The following ST6GALNAC3 variants were observed in gnomAD, a reference collection of about 807,000 sequenced individuals.
ST6GALNAC3 encodes alpha-N-acetylgalactosaminide alpha-2,6-sialyltransferase 3.
ST6GALNAC3 carries 25 observed loss-of-function variants against 32.7 expected under a neutral mutation model. The observed-to-expected ratio is 0.76, with a 90% CI of 0.56 to 1.07. The LOEUF is 1.07. Among genes scored for constraint, ST6GALNAC3 ranks in the 50% least tolerant of loss-of-function variants. The probability of loss-of-function intolerance (pLI) is 0.00; values close to 1 mark genes in which losing one functional copy is unlikely to be tolerated. For missense variants in ST6GALNAC3, 355 were observed against 382.4 expected (o/e 0.93, Z 0.60); for synonymous variants, 129 against 133.1 (o/e 0.97, Z 0.21).
In ST6GALNAC3 at chr1:76,082,631, G is replaced by A. The variant is rs1317257170; in HGVS notation, c.18+7747G>A. Among the ~76,000 whole-genome samples the A allele has an allele frequency of 3.9e-5, 6 of 152,140 alleles. No individual in the cohort carries two copies. The South Asian group carries it at 1.0e-3, about 26-fold the overall frequency. On this transcript the variant is annotated intron_variant, in intron 1 of 4. Coordinates refer to ENST00000328299, the MANE Select transcript of ST6GALNAC3 (RefSeq NM_152996.4). ...CTGTAAACTGATTTAAAGTCACTAA[G>A]TCAGAGACCTTGGCCTGGGATATTA...
intron 3 of ST6GALNAC3, among the ~76,000 whole-genome samples, chr1:76,520,875 T>C (rs1662486735): frequency 6.6e-6 from 1 of 152,188 alleles, no homozygotes; most frequent in Admixed American, 6.5e-5. Context: ...AAAAATTAGC[T>C]TGAAAATATT....
At chr1:76,217,790 AC>A (rs1441504333) in intron 1 of ST6GALNAC3, among the ~76,000 whole-genome samples, 2 of 152,196 alleles carry the variant, frequency 1.3e-5, no homozygotes, top group Non-Finnish European at 2.9e-5. Flanking sequence ...TTCCTGAATT[AC>A]TTCACTTAGA....
chr1:76,229,465 A>G (rs963006449), intron 1 of ST6GALNAC3, among the ~76,000 whole-genome samples: 5 of 152,182 alleles, frequency 3.3e-5, no homozygotes, highest in Non-Finnish European at 5.9e-5. Context: ...TTTTCAGGAT[A>G]AAGCTTTCCC....
intron 3 of ST6GALNAC3, among the ~76,000 whole-genome samples, chr1:76,439,986 C>T (rs773339711): frequency 1.3e-5 from 2 of 152,114 alleles, no homozygotes; most frequent in African/African-American, 2.4e-5. Flanking sequence ...TTGTTATAAA[C>T]GTGTTTACGT....
chr1:76,118,967 C>T (rs1281949282), intron 1 of ST6GALNAC3, among the ~76,000 whole-genome samples: 14 of 152,100 alleles, frequency 9.2e-5, no homozygotes, highest in Admixed American at 5.2e-4. Context: ...GGATTACAGG[C>T]GTGCGCCACC....
chr1:76,239,453 G>T (rs1351936264), intron 1 of ST6GALNAC3, among the ~76,000 whole-genome samples: 1 of 152,096 alleles, frequency 6.6e-6, no homozygotes, highest in African/African-American at 2.4e-5. Flanking sequence ...AGGAAACAAT[G>T]GTGCCAGTGT....
intron 3 of ST6GALNAC3, among the ~76,000 whole-genome samples, chr1:76,458,165 C>G (rs1340487754): frequency 5.8e-5 from 8 of 138,486 alleles, no homozygotes; most frequent in African/African-American, 1.9e-4. Context: ...CAGAGAAATG[C>G]AAATCAAAAC....
chr1:76,336,408 G>C (rs536386652), intron 2 of ST6GALNAC3, among the ~76,000 whole-genome samples: 1 of 152,132 alleles, frequency 6.6e-6, no homozygotes, highest in Non-Finnish European at 1.5e-5. Flanking sequence ...ATGGTATAGA[G>C]GTCTCTAATT....
intron 1 of ST6GALNAC3, among the ~76,000 whole-genome samples, chr1:76,250,212 A>G (rs545016160): frequency 3.6e-4 from 55 of 152,334 alleles, no homozygotes; most frequent in Admixed American, 3.3e-3. Flanking sequence ...TTAAAAACAC[A>G]TATACATAAA....
intron 1 of ST6GALNAC3, among the ~76,000 whole-genome samples, chr1:76,232,119 A>T (rs990168865): frequency 3.9e-5 from 6 of 152,216 alleles, no homozygotes; most frequent in Non-Finnish European, 8.8e-5. Context: ...ACTCTGCGGC[A>T]CACTGTACCA....
At chr1:76,274,175 T>C (rs1356569974) in intron 1 of ST6GALNAC3, among the ~76,000 whole-genome samples, 4 of 152,346 alleles carry the variant, frequency 2.6e-5, no homozygotes, top group Non-Finnish European at 5.9e-5. Context: ...GGATCAATTA[T>C]GCATATGTGC....
At position 76,255,783 on chromosome 1, in the gene ST6GALNAC3, G is replaced by A. The variant is rs555455100; in HGVS notation, c.19-58022G>A. 2.0e-5 allele frequency among the ~76,000 whole-genome samples: 3 copies of A among 152,048 alleles called. No homozygotes were observed. The South Asian group carries it at 6.2e-4, about 32-fold the overall frequency. ...AGGACTTAATCTTTCTCTCTTGCGTGGGAGGAAAGGATATCTATAACAGAA... is the reference window on the plus strand; with the variant it reads ...AGGACTTAATCTTTCTCTCTTGCGTAGGAGGAAAGGATATCTATAACAGAA... On this transcript the variant is annotated intron_variant, in intron 1 of 4. Transcript: ENST00000328299.
intron 2 of ST6GALNAC3, among the ~76,000 whole-genome samples, chr1:76,326,156 C>G (rs1014122953): frequency 1.8e-4 from 28 of 152,154 alleles, no homozygotes; most frequent in Admixed American, 1.8e-3. Context: ...GGGTCCTGGT[C>G]TGTTTCATGT....
intron 3 of ST6GALNAC3, among the ~76,000 whole-genome samples, chr1:76,434,515 T>A (rs1655994236): frequency 6.6e-6 from 1 of 152,174 alleles, no homozygotes; most frequent in South Asian, 2.1e-4. Flanking sequence ...GAAATTTCCT[T>A]AAAGAGCTTC....
intron 2 of ST6GALNAC3, among the ~76,000 whole-genome samples, chr1:76,357,926 G>A (rs1378885081): frequency 6.6e-6 from 1 of 152,176 alleles, no homozygotes; most frequent in Non-Finnish European, 1.5e-5. Context: ...TTAGCTTGGA[G>A]AAGAGAAAAG....
chr1:76,291,057 A>G (rs1660053016), intron 1 of ST6GALNAC3, among the ~76,000 whole-genome samples: 1 of 152,232 alleles, frequency 6.6e-6, no homozygotes, highest in Admixed American at 6.5e-5. Context: ...GAGATGGAGA[A>G]GAATAACCTA....
At chr1:76,097,926 TA>T (rs746933805) in intron 1 of ST6GALNAC3, among the ~76,000 whole-genome samples, 23 of 152,118 alleles carry the variant, frequency 1.5e-4, no homozygotes, top group Admixed American at 7.9e-4. Context: ...AAGGTTTTGT[TA>T]TTTTTTTTTT....
At chr1:76,441,088 C>CAAAAAAAA (rs397980569) in intron 3 of ST6GALNAC3, among the ~76,000 whole-genome samples, 3 of 90,262 alleles carry the variant, frequency 3.3e-5, no homozygotes, top group Non-Finnish European at 6.9e-5. Context: ...ACTATGTCTC[C>CAAAAAAAA]AAAAAAAAAA....
intron 3 of ST6GALNAC3, among the ~76,000 whole-genome samples, chr1:76,518,817 C>T (rs1662331518): frequency 1.3e-5 from 2 of 152,138 alleles, no homozygotes; most frequent in Non-Finnish European, 2.9e-5. Flanking sequence ...GTAATCCCAG[C>T]ACTTTGGGAG....
Sources: allele counts gnomAD v4.1 joint callset (sites outside exome capture counted in the v4.1 genomes callset), GRCh38; gene constraint gnomAD v4.1.1; transcripts MANE v1.5; gene names NCBI Gene and HGNC (gene_info 2026-07-23, HGNC 2026-07-21).